The following RALGPS2 variants were observed in gnomAD, a reference collection of about 807,000 sequenced individuals.
RALGPS2 encodes Ral GEF with PH domain and SH3 binding motif 2, also known as ras-specific guanine nucleotide-releasing factor RalGPS2.
In RALGPS2, 43 loss-of-function variants were observed where a neutral mutation model predicts 86.8. That is an observed-to-expected ratio of 0.50 (90% CI 0.39 to 0.64). RALGPS2 has a LOEUF of 0.64. RALGPS2 is among the 30% of genes least tolerant of loss of function. The pLI is 0.00. For missense variants in RALGPS2, 536 were observed against 694.6 expected (o/e 0.77, Z 2.57); for synonymous variants, 243 against 231.3 (o/e 1.05, Z -0.46).
chr1:178,885,870 CAGTT>C (rs772111553), intron 12 of RALGPS2, 95 bp from the exon 13 acceptor site: 52 of 1,044,424 alleles, frequency 5.0e-5, no homozygotes, highest in East Asian at 4.3e-4. Flanking sequence ...CTGAGTATGA[CAGTT>C]AGGTAAATCT....
intron 1 of RALGPS2, among the ~76,000 whole-genome samples, chr1:178,742,235 T>A (rs548173369): frequency 4.0e-5 from 6 of 151,518 alleles, no homozygotes; most frequent in African/African-American, 1.5e-4. Flanking sequence ...CTTTAAATAT[T>A]AAGACACAAA....
At chr1:178,765,442 A>G (rs1431804023) in intron 1 of RALGPS2, among the ~76,000 whole-genome samples, 1 of 152,196 alleles carries the variant, frequency 6.6e-6, no homozygotes, top group Non-Finnish European at 1.5e-5. Context: ...GAGTGTACGA[A>G]TAAGGTGTGG....
intron 7 of RALGPS2, among the ~76,000 whole-genome samples, chr1:178,830,333 G>A (rs112187560): frequency 0.025 from 3,777 of 152,212 alleles, 152 homozygotes; most frequent in African/African-American, 0.086. Flanking sequence ...CAGATGTCAG[G>A]ATATACTAGA....
At chr1:178,884,969 AACTAACATCAGT>A in intron 11 of RALGPS2, 95 bp from the exon 12 acceptor site, 2 of 1,090,784 alleles carry the variant, frequency 1.8e-6, no homozygotes, top group Non-Finnish European at 2.5e-6. Context: ...AATTAAATAG[AACTAACATCAGT>A]ACTATCTCAA....
intron 4 of RALGPS2, among the ~76,000 whole-genome samples, chr1:178,787,547 T>C (rs1042969240): frequency 6.6e-6 from 1 of 152,194 alleles, no homozygotes; most frequent in East Asian, 1.9e-4. Context: ...ATATTTCAAG[T>C]GCTTAGTAGC....
intron 15 of RALGPS2, among the ~76,000 whole-genome samples, chr1:178,893,305 C>T (rs1432908369): frequency 2.7e-5 from 4 of 149,882 alleles, no homozygotes; most frequent in African/African-American, 7.4e-5. Flanking sequence ...TTTTTCCTTT[C>T]GTGGAGAGCT....
At chr1:178,842,981 A>G (rs1262618204) in intron 8 of RALGPS2, among the ~76,000 whole-genome samples, 2 of 150,288 alleles carry the variant, frequency 1.3e-5, no homozygotes, top group East Asian at 3.9e-4. Flanking sequence ...TAGAATGGCA[A>G]TCATTAAAAA....
chr1:178,915,826 A>T (rs774769917), intron 19 of RALGPS2, among the ~76,000 whole-genome samples: 4 of 152,238 alleles, frequency 2.6e-5, no homozygotes, highest in Non-Finnish European at 4.4e-5. Flanking sequence ...TGAAACTCTA[A>T]TAAGGAATTT....
At chr1:178,776,900 C>A in intron 2 of RALGPS2, 79 bp downstream of exon 2, 1 of 1,110,472 alleles carries the variant, frequency 9.0e-7, no homozygotes, top group East Asian at 2.5e-5. Context: ...TGTTCACATA[C>A]TTAAATCAGA....
chr1:178,898,292 G>A (rs1660028779), intron 17 of RALGPS2, among the ~76,000 whole-genome samples: 1 of 151,934 alleles, frequency 6.6e-6, no homozygotes, highest in South Asian at 2.1e-4. Context: ...GATTTTCTAT[G>A]TTGCATTAAT....
At chr1:178,860,166 G>A (rs887422479) in intron 8 of RALGPS2, among the ~76,000 whole-genome samples, 2 of 151,366 alleles carry the variant, frequency 1.3e-5, no homozygotes, top group Non-Finnish European at 2.9e-5. Flanking sequence ...TTATAAATAC[G>A]CTATTTGTAA....
At chr1:178,747,251 A>C (rs1378747448) in intron 1 of RALGPS2, 1 of 1,500,292 alleles carries the variant, frequency 6.7e-7, no homozygotes, top group Non-Finnish European at 9.3e-7. Context: ...AGATTCTCTC[A>C]CTTTAAACAA....
chr1:178,804,970 C>G (rs1417817885), intron 4 of RALGPS2, among the ~76,000 whole-genome samples: 2 of 139,856 alleles, frequency 1.4e-5, no homozygotes, highest in Admixed American at 1.4e-4. Context: ...GATTGCCATT[C>G]TAACTGGTGT....
Position 178,919,019 on chromosome 1 carries a change from CT to C in RALGPS2, c.*2661del, listed in dbSNP as rs1399601170. The C allele has an allele frequency of 6.6e-6, 1 of 151,968 alleles. No homozygotes were observed. Among genetic ancestry groups the C allele is most frequent in the African/African-American group, 2.4e-5 (1 of 41,402 alleles). 9.4% of individuals were successfully genotyped at this position (151,968 alleles called of 1,614,324 possible). On this transcript the variant is annotated 3_prime_UTR_variant, in exon 20 of 20. Transcript: ENST00000367635. ...ATTCAGTTATAATTTCAATTTAAGC[CT>C]GTTTATGATAAGCATAATGATTGGC...
chr1:178,886,145 T>C (rs1357722423), intron 13 of RALGPS2, 25 bp downstream of exon 13: 1 of 1,594,308 alleles, frequency 6.3e-7, no homozygotes, highest in Non-Finnish European at 8.5e-7. Context: ...TCTGAGAGGG[T>C]TGCAATTTAA....
Position 178,902,229 on chromosome 1 carries a change from C to T in RALGPS2, c.1630+18C>T, listed in dbSNP as rs757633773. 7 of 1,567,388 alleles carry T rather than the reference C, an allele frequency of 4.5e-6. No individual in the cohort carries two copies. The African/African-American group carries it at 8.1e-5, about 18-fold the overall frequency. On this transcript the variant is annotated intron_variant, in intron 18 of 19. Transcript: ENST00000367635. Reference sequence around the variant, plus strand: ...TGAGAAAGGTGAATTGTTAGAATAACTGGGGCTTACGATACTGCGTATGTG... The same window carrying T: ...TGAGAAAGGTGAATTGTTAGAATAATTGGGGCTTACGATACTGCGTATGTG...
intron 17 of RALGPS2, 122 bp downstream of exon 17, chr1:178,897,878 T>G: frequency 1.5e-6 from 1 of 674,032 alleles, no homozygotes; most frequent in Non-Finnish European, 2.5e-6. Flanking sequence ...TATCTTCTAG[T>G]CCAAAAGTTT....
At chr1:178,839,852 C>T (rs977584996) in intron 8 of RALGPS2, among the ~76,000 whole-genome samples, 3 of 151,916 alleles carry the variant, frequency 2.0e-5, no homozygotes, top group East Asian at 3.9e-4. Context: ...AAAGGGGTTG[C>T]GATCCTAGTC....
chr1:178,800,866 G>A (rs1443837325), intron 4 of RALGPS2, among the ~76,000 whole-genome samples: 4 of 151,992 alleles, frequency 2.6e-5, no homozygotes, highest in African/African-American at 9.7e-5. Context: ...AAATAAGGGT[G>A]GAGAGAGGGC....
Sources: gnomAD v4.1 joint callset for allele counts (sites outside exome capture counted in the v4.1 genomes callset) on GRCh38, gnomAD v4.1.1 for gene constraint, MANE v1.5 for transcripts, NCBI Gene and HGNC (gene_info 2026-07-23, HGNC 2026-07-21) for gene names.